CTNNA3: variants seen among roughly 807,000 people sequenced by gnomAD.
The protein encoded by CTNNA3 is catenin alpha-3.
A neutral mutation model predicts 95.7 loss-of-function variants in CTNNA3; 76 were observed. That is an observed-to-expected ratio of 0.79 (90% CI 0.66 to 0.96). CTNNA3 has a LOEUF of 0.96. Ranked by LOEUF, CTNNA3 falls within the 40% of genes least tolerant of loss-of-function variation. The pLI, the probability that CTNNA3 is intolerant of heterozygous loss-of-function variation, is 0.00. For synonymous variants in CTNNA3, 431 were observed against 374.4 expected (o/e 1.15, Z -1.74); for missense variants, 1,191 against 1,089.8 (o/e 1.09, Z -1.31).
intron 7 of CTNNA3, among the ~76,000 whole-genome samples, chr10:67,027,494 G>A (rs1259226815): frequency 1.4e-5 from 2 of 147,470 alleles, no homozygotes; most frequent in Non-Finnish European, 3.0e-5. Context: ...GAGTGCAGTG[G>A]TGTGATCTCG....
intron 13 of CTNNA3, among the ~76,000 whole-genome samples, chr10:66,182,241 C>T (rs1325991217): frequency 6.7e-6 from 1 of 149,884 alleles, no homozygotes; most frequent in Non-Finnish European, 1.5e-5. Flanking sequence ...CATACATTTG[C>T]TTGTGGATAC....
chr10:66,396,329 T>C (rs2092976766), intron 11 of CTNNA3, among the ~76,000 whole-genome samples: 1 of 152,012 alleles, frequency 6.6e-6, no homozygotes, highest in Non-Finnish European at 1.5e-5. Context: ...TTTAGTTATA[T>C]TGAACCAGTT....
chr10:66,162,187 T>C, intron 13 of CTNNA3, among the ~76,000 whole-genome samples: 1 of 152,122 alleles, frequency 6.6e-6, no homozygotes, highest in East Asian at 1.9e-4. Context: ...ACTAACCTCC[T>C]GAATTCTTTT....
intron 1 of CTNNA3, among the ~76,000 whole-genome samples, chr10:67,723,436 G>A (rs75620158): frequency 1.1e-3 from 167 of 152,044 alleles, no homozygotes; most frequent in African/African-American, 3.4e-3. Context: ...AACTACAGGC[G>A]CAAGCCACCA....
In CTNNA3 at chr10:67,192,051, G is replaced by A. The variant is rs575066637; in HGVS notation, c.844-11531C>T. Among the ~76,000 whole-genome samples the A allele has an allele frequency of 2.8e-3, 409 of 148,334 alleles. 3 individuals are homozygous for A. Among genetic ancestry groups the A allele is most frequent in the African/African-American group, 9.6e-3 (389 of 40,344 alleles). ...TACAGACAAAAATAAAATAAAATTC[G>A]ACCCTTATCTACACCACTCACAAAA... On this transcript the variant is annotated intron_variant, in intron 6 of 17. Transcript: ENST00000433211.
At chr10:66,746,345 C>A (rs543854842) in intron 9 of CTNNA3, among the ~76,000 whole-genome samples, 3 of 152,234 alleles carry the variant, frequency 2.0e-5, no homozygotes, top group African/African-American at 7.2e-5. Context: ...GACCTAGGTA[C>A]AAATTCTAGC....
chr10:66,392,586 G>A (rs190591092), intron 11 of CTNNA3, among the ~76,000 whole-genome samples: 5 of 152,036 alleles, frequency 3.3e-5, no homozygotes, highest in East Asian at 1.9e-4. Context: ...CAAAAGATGC[G>A]AGCAGACACC....
At chr10:66,561,690 G>A (rs914269158) in intron 10 of CTNNA3, among the ~76,000 whole-genome samples, 1 of 151,964 alleles carries the variant, frequency 6.6e-6, no homozygotes, top group Non-Finnish European at 1.5e-5. Flanking sequence ...TTGTGGACCT[G>A]GATGAACAGA....
intron 5 of CTNNA3, among the ~76,000 whole-genome samples, chr10:67,427,100 T>C (rs1000156858): frequency 2.6e-5 from 4 of 152,214 alleles, no homozygotes; most frequent in Admixed American, 2.0e-4. Flanking sequence ...AATTACTGTA[T>C]GTCATTAATG....
At chr10:67,653,448 T>C (rs1419981906) in intron 1 of CTNNA3, among the ~76,000 whole-genome samples, 1 of 152,184 alleles carries the variant, frequency 6.6e-6, no homozygotes, top group Non-Finnish European at 1.5e-5. Flanking sequence ...CCTACACAGA[T>C]ACATTGGAGT....
At chr10:66,436,414 T>A (rs1167110983) in intron 11 of CTNNA3, among the ~76,000 whole-genome samples, 1 of 151,688 alleles carries the variant, frequency 6.6e-6, no homozygotes, top group Non-Finnish European at 1.5e-5. Flanking sequence ...CATTGATCCC[T>A]CTACCATTAT....
chr10:66,847,359 T>A (rs1243556583), intron 7 of CTNNA3, among the ~76,000 whole-genome samples: 1 of 152,180 alleles, frequency 6.6e-6, no homozygotes, highest in Non-Finnish European at 1.5e-5. Flanking sequence ...ACAGAAAACA[T>A]GGTGACCAAC....
rs773291008 is a variant in CTNNA3, at chr10:65,966,684, G to C, written c.2328C>G (p.Ser776=). Residue 776 remains serine (S), a synonymous_variant, in exon 17 of 18, where the codon TCC becomes TCG. Coordinates refer to ENST00000433211, the MANE Select transcript of CTNNA3 (RefSeq NM_013266.4). ...CTTGACTGCAGATTTTCAGTTGGTG[G>C]GAGTAGAACTTAATCTGTTCCAGGT... ...LAYLEQIKFY[S]HQLKICSQVK... 1.2e-6 allele frequency: 2 copies of C among 1,613,656 alleles called. No individual in the cohort carries two copies. Among genetic ancestry groups the C allele is most frequent in the Middle Eastern group, 3.3e-4 (2 of 6,058 alleles).
intron 13 of CTNNA3, among the ~76,000 whole-genome samples, chr10:66,130,170 C>T: frequency 6.6e-6 from 1 of 152,140 alleles, no homozygotes; most frequent in East Asian, 1.9e-4. Flanking sequence ...CTGCACCCAC[C>T]ACAAACATAC....
intron 1 of CTNNA3, among the ~76,000 whole-genome samples, chr10:67,674,147 T>C (rs555612058): frequency 3.3e-5 from 5 of 152,130 alleles, no homozygotes; most frequent in African/African-American, 1.2e-4. Context: ...GATATGACTG[T>C]ATTTGGAGAT....
chr10:65,968,122 G>T (rs112823120), intron 16 of CTNNA3, among the ~76,000 whole-genome samples: 2 of 152,276 alleles, frequency 1.3e-5, no homozygotes, highest in African/African-American at 4.8e-5. Context: ...AGACGCAGTG[G>T]CTCATGCCTA....
intron 17 of CTNNA3, among the ~76,000 whole-genome samples, chr10:65,943,069 T>TTC (rs2077453436): frequency 1.9e-5 from 2 of 106,748 alleles, no homozygotes; most frequent in South Asian, 6.9e-4. Flanking sequence ...TTTCTTTTTC[T>TTC]TTTTTTTTTT....
chr10:66,896,331 GA>G (rs1845491658), intron 7 of CTNNA3, among the ~76,000 whole-genome samples: 1 of 152,070 alleles, frequency 6.6e-6, no homozygotes, highest in Non-Finnish European at 1.5e-5. Context: ...CTATAAAACA[GA>G]ATTCATATTT....
chr10:66,445,370 T>G (rs1445297907), intron 11 of CTNNA3, among the ~76,000 whole-genome samples: 1 of 151,822 alleles, frequency 6.6e-6, no homozygotes, highest in Non-Finnish European at 1.5e-5. Flanking sequence ...AGAATATACA[T>G]TTTTTTTCAG....
Sources: allele counts gnomAD v4.1 joint callset (sites outside exome capture counted in the v4.1 genomes callset), GRCh38; gene constraint gnomAD v4.1.1; transcripts MANE v1.5; gene names NCBI Gene and HGNC (gene_info 2026-07-23, HGNC 2026-07-21).